Variants in PRKCE observed in about 807,000 individuals in gnomAD.
The protein encoded by PRKCE is protein kinase C epsilon type.
Under a neutral mutation model 85.4 loss-of-function variants are expected in PRKCE, and 16 were observed. The observed-to-expected ratio is 0.19, with a 90% CI of 0.13 to 0.28. PRKCE has a LOEUF of 0.28. Among genes scored for constraint, PRKCE ranks in the 10% least tolerant of loss-of-function variants. The probability of loss-of-function intolerance (pLI) is 1.00; values close to 1 mark genes in which losing one functional copy is unlikely to be tolerated. For synonymous variants in PRKCE, 388 were observed against 371.5 expected (o/e 1.04, Z -0.51); for missense variants, 573 against 975.2 (o/e 0.59, Z 5.49).
intron 2 of PRKCE, among the ~76,000 whole-genome samples, chr2:45,888,267 G>C (rs1265913316): frequency 1.3e-5 from 2 of 152,140 alleles, no homozygotes; most frequent in Non-Finnish European, 2.9e-5. Context: ...GAGTTCTGGA[G>C]AACTCTAGTC....
At chr2:45,881,002 A>T (rs902492104) in intron 2 of PRKCE, among the ~76,000 whole-genome samples, 2 of 151,816 alleles carry the variant, frequency 1.3e-5, no homozygotes, top group Non-Finnish European at 2.9e-5. Flanking sequence ...AAATACAAAA[A>T]ATTAGCTGGG....
At chr2:45,917,723 C>T (rs549496006) in intron 2 of PRKCE, among the ~76,000 whole-genome samples, 4 of 152,328 alleles carry the variant, frequency 2.6e-5, no homozygotes, top group African/African-American at 7.2e-5. Context: ...GAGCAGGGGG[C>T]GGCGCTCGTC....
chr2:45,903,096 G>T (rs1696692864), intron 2 of PRKCE, among the ~76,000 whole-genome samples: 1 of 152,214 alleles, frequency 6.6e-6, no homozygotes, highest in Non-Finnish European at 1.5e-5. Flanking sequence ...TTTCACTTCA[G>T]TATGTGTTTT....
At chr2:45,704,939 C>G (rs1253344400) in intron 1 of PRKCE, among the ~76,000 whole-genome samples, 1 of 152,170 alleles carries the variant, frequency 6.6e-6, no homozygotes, top group African/African-American at 2.4e-5. Flanking sequence ...AATTCTCAGC[C>G]CCTTTCCTTT....
At chr2:45,904,150 C>T (rs1696795902) in intron 2 of PRKCE, among the ~76,000 whole-genome samples, 2 of 152,052 alleles carry the variant, frequency 1.3e-5, no homozygotes, top group South Asian at 4.1e-4. Flanking sequence ...GTGATCTGCC[C>T]TCCTCGGCCT....
chr2:46,091,342 C>T (rs890251507), intron 11 of PRKCE, among the ~76,000 whole-genome samples: 11 of 152,210 alleles, frequency 7.2e-5, no homozygotes, highest in Admixed American at 1.3e-4. Context: ...CCTCAACATG[C>T]TGCTCAGTGC....
intron 1 of PRKCE, among the ~76,000 whole-genome samples, chr2:45,673,140 T>C (rs554201009): frequency 6.6e-5 from 10 of 152,224 alleles, no homozygotes; most frequent in Non-Finnish European, 1.3e-4. Context: ...CCCTACTTTC[T>C]GAACTCTCTG....
At chr2:46,141,408 A>G (rs1272249911) in intron 11 of PRKCE, among the ~76,000 whole-genome samples, 5 of 152,236 alleles carry the variant, frequency 3.3e-5, no homozygotes, top group Non-Finnish European at 5.9e-5. Context: ...AAATGAACAT[A>G]TAATCATATT....
rs557880060 is a variant in PRKCE at position 45,794,189 on chromosome 2, C to T, written c.349-48811C>T. 3.9e-5 allele frequency among the ~76,000 whole-genome samples: 6 copies of T among 152,044 alleles called. No homozygotes were observed. The South Asian group carries it at 1.3e-3, about 32-fold the overall frequency. ...GCATCATTGATTTATGAATTATGGC[C>T]CTTTTAAACTCTCTGCTTGCCTTCT... On this transcript the variant is annotated intron_variant, in intron 1 of 14. Transcript: ENST00000306156.
At chr2:45,984,464 G>A (rs906105647) in intron 5 of PRKCE, 87 bp from the exon 6 acceptor site, 26 of 1,540,076 alleles carry the variant, frequency 1.7e-5, no homozygotes, top group Non-Finnish European at 2.2e-5. Flanking sequence ...AAGCTCTCTT[G>A]GAAAAAGTTC....
intron 1 of PRKCE, among the ~76,000 whole-genome samples, chr2:45,732,601 C>A (rs576460645): frequency 5.3e-5 from 8 of 152,278 alleles, no homozygotes; most frequent in African/African-American, 1.9e-4. Flanking sequence ...ATTATAATAT[C>A]TTAGATGCTG....
chr2:45,920,376 A>G (rs1347292341), intron 2 of PRKCE, among the ~76,000 whole-genome samples: 1 of 152,194 alleles, frequency 6.6e-6, no homozygotes, highest in East Asian at 1.9e-4. Flanking sequence ...AAACGATTAA[A>G]CGTGGTTGCC....
In PRKCE at chr2:46,186,104, C is replaced by T. The variant is rs1680432298; in HGVS notation, c.*1223C>T. 6.6e-6 allele frequency: 1 copy of T among 152,626 alleles called. No individual in the cohort carries two copies. The highest frequency in any genetic ancestry group is 1.5e-5 in the Non-Finnish European group (1 of 68,036). The allele number at this position is 152,626 out of a possible 1,614,324, so 9.5% of individuals were successfully genotyped here. A position where few individuals can be genotyped will look rare whatever the true frequency, so the allele number is the denominator to read the frequency against. ...TGTACTCAGTTTTGTTTCTGTGTGACATGCAATGGCAACTCATGTGGACAC... is the reference window on the plus strand; with the variant it reads ...TGTACTCAGTTTTGTTTCTGTGTGATATGCAATGGCAACTCATGTGGACAC... On this transcript the variant is annotated 3_prime_UTR_variant, in exon 15 of 15. Coordinates refer to ENST00000306156, the MANE Select transcript of PRKCE (RefSeq NM_005400.3).
chr2:45,868,087 C>T (rs1368720445), intron 2 of PRKCE, among the ~76,000 whole-genome samples: 1 of 151,970 alleles, frequency 6.6e-6, no homozygotes, highest in Admixed American at 6.6e-5. Flanking sequence ...GCATTGTTCT[C>T]CGTGAGTGGT....
chr2:45,805,576 T>C (rs1476846083), intron 1 of PRKCE, among the ~76,000 whole-genome samples: 4 of 151,650 alleles, frequency 2.6e-5, no homozygotes, highest in African/African-American at 9.7e-5. Context: ...ATGCTAAGTA[T>C]TTGCATACAT....
At chr2:46,025,748 A>G (rs568616268) in intron 10 of PRKCE, among the ~76,000 whole-genome samples, 42 of 152,332 alleles carry the variant, frequency 2.8e-4, no homozygotes, top group Middle Eastern at 3.4e-3. Context: ...GATTCAAGGA[A>G]ATTGGCTTTG....
At chr2:46,012,760 A>G (rs969270797) in intron 10 of PRKCE, among the ~76,000 whole-genome samples, 8 of 152,212 alleles carry the variant, frequency 5.3e-5, no homozygotes, top group South Asian at 2.1e-4. Flanking sequence ...GATGTCTTCA[A>G]TGTCAGCAGT....
chr2:46,103,157 T>A (rs1671397393), intron 11 of PRKCE, among the ~76,000 whole-genome samples: 1 of 152,262 alleles, frequency 6.6e-6, no homozygotes, highest in Non-Finnish European at 1.5e-5. Flanking sequence ...TATAATTCAA[T>A]ACTACTTTAT....
intron 1 of PRKCE, among the ~76,000 whole-genome samples, chr2:45,709,560 C>T (rs530855707): frequency 2.0e-5 from 3 of 152,318 alleles, no homozygotes; most frequent in African/African-American, 7.2e-5. Flanking sequence ...TTTAGAGTTC[C>T]TGGGCCACCC....
Sources: gnomAD v4.1 joint callset for allele counts (sites outside exome capture counted in the v4.1 genomes callset) on GRCh38, gnomAD v4.1.1 for gene constraint, MANE v1.5 for transcripts, NCBI Gene and HGNC (gene_info 2026-07-23, HGNC 2026-07-21) for gene names.